Variants in NCALD observed in about 807,000 individuals in gnomAD.
NCALD encodes neurocalcin-delta.
A neutral mutation model predicts 18.6 loss-of-function variants in NCALD; 10 were observed. The ratio of observed to expected loss-of-function variants is 0.54; its 90% CI spans 0.33 to 0.91. The LOEUF is 0.91. NCALD is among the 40% of genes least tolerant of loss of function. The pLI, the probability that NCALD is intolerant of heterozygous loss-of-function variation, is 0.03. For synonymous variants in NCALD, 88 were observed against 87.4 expected, an observed-to-expected ratio of 1.01 and a Z score of -0.04; for missense variants, 184 against 247.6, an observed-to-expected ratio of 0.74 and a Z score of 1.72.
intron 1 of NCALD, among the ~76,000 whole-genome samples, chr8:101,784,143 G>C (rs889879481): frequency 6.6e-6 from 1 of 152,112 alleles, no homozygotes; most frequent in Non-Finnish European, 1.5e-5. Context: ...GCATCAGGAG[G>C]GGGAAGGAAG....
intron 4 of NCALD, among the ~76,000 whole-genome samples, chr8:101,809,516 A>G (rs1272782818): frequency 6.6e-6 from 1 of 152,176 alleles, no homozygotes; most frequent in Non-Finnish European, 1.5e-5. Context: ...CACAAATGTT[A>G]TAATAGAATC....
At chr8:101,748,673 T>C (rs1320866099) in intron 1 of NCALD, among the ~76,000 whole-genome samples, 1 of 152,184 alleles carries the variant, frequency 6.6e-6, no homozygotes. Flanking sequence ...GGTCTTACCA[T>C]CATCCTTATT....
intron 2 of NCALD, among the ~76,000 whole-genome samples, chr8:101,951,996 C>T (rs1297512035): frequency 2.6e-5 from 4 of 152,226 alleles, no homozygotes; most frequent in Admixed American, 2.6e-4. Flanking sequence ...ATTGTTTAAA[C>T]ACCTTATTTC....
chr8:101,959,937 A>T (rs1819775958), intron 2 of NCALD, among the ~76,000 whole-genome samples: 1 of 129,086 alleles, frequency 7.7e-6, no homozygotes, highest in Non-Finnish European at 1.5e-5. Flanking sequence ...TCTTCATCCC[A>T]CTTGGGCTCC....
intron 1 of NCALD, among the ~76,000 whole-genome samples, chr8:101,759,325 C>CA (rs1228908632): frequency 1.3e-4 from 19 of 151,816 alleles, no homozygotes; most frequent in Admixed American, 2.0e-4. Flanking sequence ...AGAAAGTTGT[C>CA]AGTGTCTTCG....
At chr8:102,106,661 CTT>C (rs1009271111) in intron 1 of NCALD, among the ~76,000 whole-genome samples, 1 of 152,108 alleles carries the variant, frequency 6.6e-6, no homozygotes, top group Non-Finnish European at 1.5e-5. Flanking sequence ...AGAGTTCTCT[CTT>C]TGTCTGCAAC....
At chr8:101,933,941 G>A (rs753138030) in intron 2 of NCALD, among the ~76,000 whole-genome samples, 8 of 152,148 alleles carry the variant, frequency 5.3e-5, no homozygotes, top group Non-Finnish European at 1.0e-4. Flanking sequence ...GCTTGGATAG[G>A]ACTAGGAAGC....
At chr8:101,898,549 G>T (rs916178250) in intron 3 of NCALD, among the ~76,000 whole-genome samples, 1 of 151,922 alleles carries the variant, frequency 6.6e-6, no homozygotes, top group Non-Finnish European at 1.5e-5. Flanking sequence ...TTCTTTTATA[G>T]ATCATGCTGT....
intron 1 of NCALD, among the ~76,000 whole-genome samples, chr8:102,111,331 G>C (rs1825632447): frequency 6.6e-6 from 1 of 151,898 alleles, no homozygotes; most frequent in African/African-American, 2.4e-5. Flanking sequence ...TGAGGCGGTG[G>C]GAACTCAACA....
At chr8:101,927,724 G>A (rs1414490059) in intron 2 of NCALD, among the ~76,000 whole-genome samples, 2 of 152,160 alleles carry the variant, frequency 1.3e-5, no homozygotes, top group Non-Finnish European at 2.9e-5. Context: ...AATTCAGGCA[G>A]TTGTGTCTAC....
intron 1 of NCALD, among the ~76,000 whole-genome samples, chr8:101,781,811 A>G (rs529617931): frequency 6.6e-6 from 1 of 152,084 alleles, no homozygotes; most frequent in East Asian, 1.9e-4. Flanking sequence ...TGTATTGTAC[A>G]TATATGTTAT....
At chr8:101,885,156 T>C (rs1200877944) in intron 4 of NCALD, among the ~76,000 whole-genome samples, 1 of 152,198 alleles carries the variant, frequency 6.6e-6, no homozygotes, top group Non-Finnish European at 1.5e-5. Context: ...TACAGATTTC[T>C]TGGGGACCCA....
intron 2 of NCALD, among the ~76,000 whole-genome samples, chr8:102,011,443 G>T (rs921730430): frequency 7.9e-5 from 12 of 152,184 alleles, no homozygotes; most frequent in African/African-American, 2.9e-4. Context: ...TAACTTCCCA[G>T]CTAGGCTGTA....
At chr8:102,040,157 G>A (rs1822999109) in intron 1 of NCALD, among the ~76,000 whole-genome samples, 1 of 152,142 alleles carries the variant, frequency 6.6e-6, no homozygotes, top group Non-Finnish European at 1.5e-5. Flanking sequence ...GTGAGGATTG[G>A]ATACATGTTT....
Position 101,988,857 on chromosome 8 carries a change from T to C in NCALD, c.-157+31380A>G, listed in dbSNP as rs533312139. ...AGAGCCCTGTGGGTTGCATGGGCCT[T>C]GGGGAAGATGGCTGGATAAATGAGC... is the stretch of plus-strand genomic sequence containing the variant. On this transcript the variant is annotated intron_variant, in intron 2 of 6. Coordinates refer to the NCALD transcript ENST00000311028. Among the ~76,000 whole-genome samples, 5 of 131,676 alleles carry C rather than the reference T, an allele frequency of 3.8e-5. No individual in the cohort carries two copies. The Admixed American group carries it at 4.2e-4, about 11-fold the overall frequency. 86.4% of individuals were successfully genotyped at this position (131,676 alleles called of 152,430 possible).
At chr8:101,779,394 A>G (rs911938103) in intron 1 of NCALD, among the ~76,000 whole-genome samples, 5 of 152,204 alleles carry the variant, frequency 3.3e-5, no homozygotes, top group African/African-American at 9.6e-5. Flanking sequence ...GACATGCCAC[A>G]TATGTACTGA....
At chr8:101,959,833 G>A (rs1036593005) in intron 2 of NCALD, among the ~76,000 whole-genome samples, 9 of 152,106 alleles carry the variant, frequency 5.9e-5, no homozygotes, top group South Asian at 2.1e-4. Context: ...TGCTCATAGC[G>A]ATGGCTCACT....
chr8:101,734,330 C>T (rs1330369321), intron 1 of NCALD, among the ~76,000 whole-genome samples: 15 of 152,176 alleles, frequency 9.9e-5, no homozygotes, highest in Admixed American at 6.5e-5. Flanking sequence ...TCTGACCACC[C>T]GGAACATGAC....
chr8:102,015,278 C>A (rs1822045474), intron 2 of NCALD, among the ~76,000 whole-genome samples: 2 of 152,060 alleles, frequency 1.3e-5, no homozygotes, highest in African/African-American at 4.8e-5. Flanking sequence ...ATCTTCCTCT[C>A]CCCCTTACCC....
Sources: allele counts gnomAD v4.1 joint callset (sites outside exome capture counted in the v4.1 genomes callset), GRCh38; gene constraint gnomAD v4.1.1; transcripts MANE v1.5; gene names NCBI Gene and HGNC (gene_info 2026-07-23, HGNC 2026-07-21).